The following NXF3 variants were observed in gnomAD, a reference collection of about 807,000 sequenced individuals.
The protein encoded by NXF3 is nuclear RNA export factor 3.
NXF3 carries 34 observed loss-of-function variants against 48.4 expected under a neutral mutation model. That is an observed-to-expected ratio of 0.70 (90% confidence interval 0.53 to 0.93). The LOEUF is 0.93. NXF3 is among the 40% of genes least tolerant of loss of function. NXF3 has a pLI of 0.00. For missense variants in NXF3, 359 were observed against 406.1 expected (o/e 0.88, Z 1.00); for synonymous variants, 132 against 145.7 (o/e 0.91, Z 0.68).
intron 1 of NXF3, among the ~76,000 whole-genome samples, chrX:103,090,537 C>A: frequency 8.9e-6 from 1 of 112,087 alleles, no homozygotes; most frequent in South Asian, 3.7e-4. Context: ...AAGGAATTAA[C>A]CATTATGTTT....
chrX:103,086,367 C>T (rs1001247677), intron 1 of NXF3, among the ~76,000 whole-genome samples: 3 of 110,948 alleles, frequency 2.7e-5, no homozygotes, highest in South Asian at 3.9e-4. Flanking sequence ...GCCGAAATCC[C>T]GCCACTGCAC....
At position 103,078,610 on chromosome X, in the gene NXF3, A is replaced by G. The variant is rs1425999264; in HGVS notation, c.1401T>C (p.Ser467=). The G allele has an allele frequency of 8.3e-7, 1 of 1,210,599 alleles. No homozygotes were observed. The highest frequency in any genetic ancestry group is 2.2e-5 in the Admixed American group (1 of 45,831). Reference sequence around the variant, plus strand: ...TGAAGGTCCGGGTGAAGGCGAGAACAGAACCCTGAGACTGTCCTTCCACTT... The same window carrying G: ...TGAAGGTCCGGGTGAAGGCGAGAACGGAACCCTGAGACTGTCCTTCCACTT... ...FKEVEGQSQG[S]VLAFTRTFIA... is the part of the protein sequence containing the mutation. The change falls in exon 17 of 20, where the codon TCT becomes TCC. Residue 467 remains serine (S), a synonymous_variant. Transcript: ENST00000395065.
intron 15 of NXF3, 40 bp downstream of exon 15, chrX:103,079,319 G>T (rs1921949324): frequency 8.3e-7 from 1 of 1,206,320 alleles, no homozygotes; most frequent in Non-Finnish European, 1.1e-6. Context: ...ACCCACCTCT[G>T]GCTTTCTGGG....
At chrX:103,082,638 G>C (rs909265019) in intron 8 of NXF3, 122 bp downstream of exon 8, 17 of 597,861 alleles carry the variant, frequency 2.8e-5, no homozygotes, top group Non-Finnish European at 4.6e-5. Context: ...AAAAGCTATG[G>C]GGAGGAATGA....
rs771987051 is a variant in NXF3 at position 103,090,736 on chromosome X, A to G, written c.28+2260T>C. ...GTGATCTGCTTGCTTCTTTTACCAC[A>G]GGTGATTTTTAAGTAACTTGGGTTT... On this transcript the variant is annotated intron_variant, in intron 1 of 19. Coordinates refer to ENST00000395065, the MANE Select transcript of NXF3 (RefSeq NM_022052.2). 1.4e-4 allele frequency among the ~76,000 whole-genome samples: 16 copies of G among 111,848 alleles called. No homozygotes were observed. In the South Asian group the frequency reaches 5.6e-3, roughly 39 times the overall value.
chrX:103,086,695 C>A (rs372122611), intron 1 of NXF3, among the ~76,000 whole-genome samples: 28 of 96,830 alleles, frequency 2.9e-4, no homozygotes, highest in African/African-American at 1.4e-3. Context: ...TCAAATTATC[C>A]TGAAAAAAAA....
chrX:103,089,640 T>A (rs1922230060), intron 1 of NXF3, among the ~76,000 whole-genome samples: 1 of 112,036 alleles, frequency 8.9e-6, no homozygotes. Flanking sequence ...TTATATATAC[T>A]CAAAAGACCG....
intron 1 of NXF3, chrX:103,087,267 C>T: frequency 1.9e-6 from 2 of 1,078,663 alleles, no homozygotes; most frequent in South Asian, 1.9e-5. Context: ...TACCTAGAAA[C>T]AGGCCATATA....
chrX:103,079,520 C>T (rs1370456550), intron 14 of NXF3, 46 bp from the exon 15 acceptor site: 3 of 1,186,503 alleles, frequency 2.5e-6, no homozygotes, highest in Non-Finnish European at 3.4e-6. Context: ...TGCCACACCC[C>T]AGTTGTGTGA....
intron 19 of NXF3, 120 bp downstream of exon 19, chrX:103,076,121 C>T: frequency 1.9e-6 from 1 of 517,611 alleles, no homozygotes; most frequent in Non-Finnish European, 3.4e-6. Flanking sequence ...TCTCTAGGAT[C>T]TTGCCCTTGG....
chrX:103,088,124 C>T, intron 1 of NXF3: 1 of 940,154 alleles, frequency 1.1e-6, no homozygotes, highest in South Asian at 2.1e-5. Flanking sequence ...TCAATGAACA[C>T]ATGTGTTTTC....
At position 103,083,596 on chromosome X, in the gene NXF3, G is replaced by A. The variant is rs1160547556; in HGVS notation, c.435+13C>T. Reference sequence around the variant, plus strand: ...TCCTGTTTTCTCTCGTCTGCCTCACGGTCCTTTCTTACCTCAACTGGGACG... The same window carrying A: ...TCCTGTTTTCTCTCGTCTGCCTCACAGTCCTTTCTTACCTCAACTGGGACG... On this transcript the variant is annotated intron_variant, in intron 4 of 19. Transcript: ENST00000395065. The A allele has an allele frequency of 1.9e-5, 23 of 1,198,396 alleles. No homozygotes were observed. The highest frequency in any genetic ancestry group is 2.3e-5 in the Non-Finnish European group (20 of 883,523).
Position 103,083,019 on chromosome X carries a change from G to C in NXF3, c.676C>G (p.Leu226Val). ...VSQEALDIQR[L>V]PFYPDMVNRD... Reference sequence around the variant, plus strand: ...TCAGCCATACCTGGGTAAAATGGGAGTCTCTGGATATCAAGAGCTTCCTGG... The same window carrying C: ...TCAGCCATACCTGGGTAAAATGGGACTCTCTGGATATCAAGAGCTTCCTGG... Residue 226 changes from leucine (L) to valine (V), a missense_variant, in exon 7 of 20, where the codon CTC becomes GTC. By Grantham distance (32) the Leu-to-Val change is conservative. Coordinates refer to ENST00000395065, the MANE Select transcript of NXF3 (RefSeq NM_022052.2). 8.3e-7 allele frequency: 1 copy of C among 1,209,511 alleles called. No homozygotes were observed.
At chrX:103,083,749 G>T in intron 3 of NXF3, 57 bp from the exon 4 acceptor site, 1 of 913,774 alleles carries the variant, frequency 1.1e-6, no homozygotes, top group South Asian at 2.1e-5. Context: ...GGAATTAAAC[G>T]TTAAAAGTGG....
rs1392081828 is a variant in NXF3, at chrX:103,082,259, T to G, written c.886A>C (p.Ile296Leu). 2 of 1,191,141 alleles carry G rather than the reference T, an allele frequency of 1.7e-6. No homozygotes were observed. Among genetic ancestry groups the G allele is most frequent in the Non-Finnish European group, 2.3e-6 (2 of 878,233 alleles). ...CTTFSDTSSN[I>L]NSILELFPKL... ...GTGACAGAGGGTACAACTGACTTTA[T>G]GTTGCTGGAGGTATCCGAGAAGGTC... is the stretch of plus-strand genomic sequence containing the variant. Residue 296 changes from isoleucine (I) to leucine (L), a missense_variant, in exon 9 of 20, where the codon ATA becomes CTA. Coordinates refer to ENST00000395065, the MANE Select transcript of NXF3 (RefSeq NM_022052.2).
At position 103,081,602 on chromosome X, in the gene NXF3, C is replaced by G. The variant is rs1322437487; in HGVS notation, c.890+653G>C. On this transcript the variant is annotated intron_variant, in intron 9 of 19. Transcript: ENST00000395065. ...AGGCCTGTCCTTCTGTCTCCTCAAC[C>G]TCCTCTGCCCTCTGCCTTCCACTCC... 3 of 112,777 alleles carry G rather than the reference C, an allele frequency of 2.7e-5. No homozygotes were observed. In the Admixed American group the frequency reaches 2.8e-4, roughly 11 times the overall value. The allele number at this position is 112,777 out of a possible 1,213,427, so 9.3% of individuals were successfully genotyped here.
At chrX:103,079,981 T>A (rs1252891192) in intron 12 of NXF3, 32 bp downstream of exon 12, 1 of 1,206,754 alleles carries the variant, frequency 8.3e-7, no homozygotes, top group East Asian at 3.0e-5. Context: ...TGACCTAGCC[T>A]TCTCTTGCCT....
intron 1 of NXF3, chrX:103,088,299 T>C (rs886769263): frequency 2.9e-5 from 16 of 554,974 alleles, no homozygotes; most frequent in Non-Finnish European, 4.7e-5. Context: ...AAAATTGTGA[T>C]CGTATTTCTG....
intron 1 of NXF3, chrX:103,087,146 C>T: frequency 2.0e-6 from 1 of 499,091 alleles, no homozygotes; most frequent in Non-Finnish European, 3.3e-6. Flanking sequence ...CTTGAGGCAA[C>T]ACTGGTGTAG....
Sources: allele counts gnomAD v4.1 joint callset (sites outside exome capture counted in the v4.1 genomes callset), GRCh38; gene constraint gnomAD v4.1.1; transcripts MANE v1.5; gene names NCBI Gene and HGNC (gene_info 2026-07-23, HGNC 2026-07-21).